Variants in ATP9B observed in about 807,000 individuals in gnomAD.
The protein encoded by ATP9B is ATPase phospholipid transporting 9B.
A neutral mutation model predicts 146.1 loss-of-function variants in ATP9B; 110 were observed. The ratio of observed to expected loss-of-function variants is 0.75; its 90% confidence interval spans 0.65 to 0.88. The LOEUF (loss-of-function observed/expected upper bound fraction) is 0.88. ATP9B is among the 40% of genes least tolerant of loss of function. ATP9B has a pLI of 0.00. For synonymous variants in ATP9B, 604 were observed against 569.7 expected (o/e 1.06, Z -0.86); for missense variants, 1,499 against 1,496.4 (o/e 1.00, Z -0.03).
At chr18:79,226,865 G>A (rs1220924661) in intron 11 of ATP9B, among the ~76,000 whole-genome samples, 11 of 152,142 alleles carry the variant, frequency 7.2e-5, no homozygotes, top group East Asian at 1.9e-4. Flanking sequence ...ACTGACACCC[G>A]CTGTGTGTTG....
chr18:79,224,760 T>C (rs1007268503), intron 11 of ATP9B, among the ~76,000 whole-genome samples: 3 of 152,140 alleles, frequency 2.0e-5, no homozygotes, highest in African/African-American at 7.2e-5. Flanking sequence ...TTATCCTCCC[T>C]CCTTAGGCAG....
At chr18:79,156,864 C>T (rs2094791182) in intron 7 of ATP9B, among the ~76,000 whole-genome samples, 1 of 152,104 alleles carries the variant, frequency 6.6e-6, no homozygotes, top group African/African-American at 2.4e-5. Flanking sequence ...GTGAATGACT[C>T]ATCTCATAGT....
chr18:79,116,922 TAAAAAAAAAAAAAAAATTA>T (rs1243272241), intron 4 of ATP9B, among the ~76,000 whole-genome samples: 2 of 59,826 alleles, frequency 3.3e-5, no homozygotes, highest in Non-Finnish European at 7.6e-5. Flanking sequence ...TAGAGTATAA[TAAAAAAAAAAAAAAAATTA>T]AAAAAAAAAA....
intron 2 of ATP9B, among the ~76,000 whole-genome samples, chr18:79,105,036 T>C (rs1406895229): frequency 2.0e-5 from 3 of 152,230 alleles, no homozygotes; most frequent in African/African-American, 7.2e-5. Flanking sequence ...TCAGTCTATA[T>C]TGGCACTAAG....
intron 13 of ATP9B, among the ~76,000 whole-genome samples, chr18:79,299,285 A>G (rs537968618): frequency 6.6e-6 from 1 of 152,152 alleles, no homozygotes; most frequent in Admixed American, 6.5e-5. Flanking sequence ...TGGGACCTAG[A>G]GAGCTCCTCA....
intron 12 of ATP9B, among the ~76,000 whole-genome samples, chr18:79,274,169 AG>A (rs942074382): frequency 1.3e-5 from 2 of 152,210 alleles, no homozygotes; most frequent in African/African-American, 4.8e-5. Context: ...ATATATATTG[AG>A]GGGGGGTGAC....
chr18:79,246,618 G>C (rs895599188), intron 11 of ATP9B, among the ~76,000 whole-genome samples: 1 of 152,388 alleles, frequency 6.6e-6, no homozygotes, highest in East Asian at 1.9e-4. Flanking sequence ...TATGTGATGT[G>C]CTGGACTGGT....
At chr18:79,286,698 G>A (rs563963341) in intron 13 of ATP9B, among the ~76,000 whole-genome samples, 3 of 152,002 alleles carry the variant, frequency 2.0e-5, no homozygotes, top group East Asian at 3.8e-4. Context: ...TCTTGTGCCA[G>A]TTTTCAAAGG....
chr18:79,176,210 A>AT (rs1419135291), intron 7 of ATP9B, among the ~76,000 whole-genome samples: 58 of 152,288 alleles, frequency 3.8e-4, no homozygotes, highest in African/African-American at 1.4e-3. Flanking sequence ...TGTGTATGTC[A>AT]TTTTGTGCTT....
At chr18:79,175,200 A>G (rs1568333822) in intron 7 of ATP9B, among the ~76,000 whole-genome samples, 1 of 150,484 alleles carries the variant, frequency 6.6e-6, no homozygotes, top group East Asian at 1.9e-4. Context: ...ACTGTCTCAA[A>G]AAAAAAAAAA....
At chr18:79,097,110 A>G (rs1008281086) in intron 2 of ATP9B, among the ~76,000 whole-genome samples, 1 of 151,308 alleles carries the variant, frequency 6.6e-6, no homozygotes, top group African/African-American at 2.4e-5. Context: ...GTGAGCCGAG[A>G]TCGAGCCACT....
intron 7 of ATP9B, among the ~76,000 whole-genome samples, chr18:79,155,915 A>G (rs1480843985): frequency 6.6e-6 from 1 of 151,250 alleles, no homozygotes. Context: ...GGCGCCCACC[A>G]CCATGCCCGG....
In ATP9B at chr18:79,201,632, G is replaced by A. The variant is rs145166711; in HGVS notation, c.955-5305G>A. ...GTTGCCCAGGCTGGAGTGCAGTGGC[G>A]TGATCTCGGCTCACTGTAGCCTGTG... On this transcript the variant is annotated intron_variant, in intron 9 of 29. Coordinates refer to ENST00000426216, the MANE Select transcript of ATP9B (RefSeq NM_198531.5). Among the ~76,000 whole-genome samples the A allele has an allele frequency of 2.4e-3, 367 of 152,150 alleles. 5 individuals are homozygous for A. The highest frequency in any genetic ancestry group is 7.4e-3 in the African/African-American group (306 of 41,492).
chr18:79,236,670 T>C (rs2095843997), intron 11 of ATP9B, among the ~76,000 whole-genome samples: 1 of 152,234 alleles, frequency 6.6e-6, no homozygotes, highest in Admixed American at 6.5e-5. Flanking sequence ...CCAGAAGTGA[T>C]TGTCGAAAGG....
At chr18:79,184,612 G>A (rs894335392) in intron 8 of ATP9B, among the ~76,000 whole-genome samples, 3 of 152,050 alleles carry the variant, frequency 2.0e-5, no homozygotes, top group Non-Finnish European at 4.4e-5. Flanking sequence ...AGACATTCTT[G>A]CAGCCTATTG....
At chr18:79,202,438 C>T (rs1200777547) in intron 9 of ATP9B, among the ~76,000 whole-genome samples, 3 of 152,166 alleles carry the variant, frequency 2.0e-5, no homozygotes, top group African/African-American at 7.2e-5. Flanking sequence ...AGCACACTTA[C>T]ATTGTTCATG....
chr18:79,318,881 T>C (rs1402941267), intron 15 of ATP9B, among the ~76,000 whole-genome samples: 3 of 152,244 alleles, frequency 2.0e-5, no homozygotes, highest in African/African-American at 7.2e-5. Context: ...GGTCCCACTG[T>C]AGATCACCCA....
At chr18:79,193,455 T>G (rs2095388589) in intron 9 of ATP9B, among the ~76,000 whole-genome samples, 192 bp downstream of exon 9, 1 of 152,174 alleles carries the variant, frequency 6.6e-6, no homozygotes, top group South Asian at 2.1e-4. Flanking sequence ...TTTAGTACAG[T>G]TTTTGGAATT....
At chr18:79,216,594 T>C (rs1042671061) in intron 11 of ATP9B, among the ~76,000 whole-genome samples, 2 of 152,246 alleles carry the variant, frequency 1.3e-5, no homozygotes, top group African/African-American at 4.8e-5. Flanking sequence ...GGTCATTTTG[T>C]AACTAGTTTG....
Sources: gnomAD v4.1 joint callset for allele counts (sites outside exome capture counted in the v4.1 genomes callset) on GRCh38, gnomAD v4.1.1 for gene constraint, MANE v1.5 for transcripts, NCBI Gene and HGNC (gene_info 2026-07-23, HGNC 2026-07-21) for gene names.